Variants in PDE9A observed in about 807,000 individuals in gnomAD.
PDE9A encodes high affinity cGMP-specific 3',5'-cyclic phosphodiesterase 9A.
PDE9A carries 60 observed loss-of-function variants against 87.4 expected under a neutral mutation model. That is an observed-to-expected ratio of 0.69 (90% confidence interval 0.56 to 0.85). The LOEUF (loss-of-function observed/expected upper bound fraction) is 0.85. PDE9A is among the 40% of genes least tolerant of loss of function. The probability of loss-of-function intolerance (pLI) is 0.00; values close to 1 mark genes in which losing one functional copy is unlikely to be tolerated. For synonymous variants in PDE9A, 272 were observed against 279.4 expected (o/e 0.97, Z 0.27); for missense variants, 665 against 779.0 (o/e 0.85, Z 1.74).
intron 1 of PDE9A, among the ~76,000 whole-genome samples, chr21:42,681,923 G>C (rs374264628): frequency 5.3e-5 from 8 of 152,302 alleles, no homozygotes; most frequent in East Asian, 1.9e-4. Flanking sequence ...GCCTCCTGAC[G>C]AGGCAGCCTA....
Position 42,759,585 on chromosome 21 carries a change from G to A in PDE9A, c.897+500G>A, listed in dbSNP as rs1055401430. On this transcript the variant is annotated intron_variant, in intron 11 of 19. Transcript: ENST00000291539. This position sits in a 1 kb window ranked among gnomAD's most constrained non-coding sequence, Gnocchi z 7.2. ...TGAGCATGGGGGTATCTGAGTTTAC[G>A]GGTGGGTGTGTGTGAATGTGTGGTG... Among the ~76,000 whole-genome samples, 7 of 150,828 alleles carry A rather than the reference G, an allele frequency of 4.6e-5. No individual in the cohort carries two copies. Among genetic ancestry groups the A allele is most frequent in the Non-Finnish European group, 1.0e-4 (7 of 67,660 alleles).
chr21:42,683,954 C>T (rs921536648), intron 1 of PDE9A, among the ~76,000 whole-genome samples: 2 of 152,202 alleles, frequency 1.3e-5, no homozygotes, highest in African/African-American at 2.4e-5. Context: ...CTGCGGCCAC[C>T]CAGGTTGGAA....
Position 42,769,055 on chromosome 21 carries a change from CTGT to C in PDE9A, c.1491_1493del (p.Val498del). 6.2e-7 allele frequency: 1 copy of C among 1,613,534 alleles called. No individual in the cohort carries two copies. The highest frequency in any genetic ancestry group is 8.5e-7 in the Non-Finnish European group (1 of 1,179,546). On this transcript the variant is annotated inframe_deletion, in exon 17 of 20. Coordinates refer to ENST00000291539, the MANE Select transcript of PDE9A (RefSeq NM_002606.3). ...GACCGTGAGAAGTCAGAAGGCCTTCCTGTGGCACCGTTCATGGACCGAGACAAA... is the reference window on the plus strand; with the variant it reads ...GACCGTGAGAAGTCAGAAGGCCTTCCGGCACCGTTCATGGACCGAGACAAA...
intron 1 of PDE9A, among the ~76,000 whole-genome samples, chr21:42,661,556 T>C (rs1174159527): frequency 6.6e-6 from 1 of 152,180 alleles, no homozygotes; most frequent in African/African-American, 2.4e-5. Context: ...TTGTAGCACG[T>C]GTCCGAATTT....
Position 42,731,809 on chromosome 21 carries a change from C to T in PDE9A, c.302C>T (p.Ser101Phe), listed in dbSNP as rs746784838. 9.3e-6 allele frequency: 15 copies of T among 1,614,082 alleles called. No individual in the cohort carries two copies. Among genetic ancestry groups the T allele is most frequent in the Non-Finnish European group, 1.3e-5 (15 of 1,180,036 alleles). ...AAGAGAACCACAAGCCGTGGCCAGT[C>T]TGCTGAGAGACCACTGAGGGACAGA... ...EDKRTTSRGQ[S>F]AERPLRDRRV... The change falls in exon 5 of 20, where the codon TCT becomes TTT. Residue 101 changes from serine to phenylalanine, a missense_variant. Transcript: ENST00000291539.
intron 7 of PDE9A, among the ~76,000 whole-genome samples, chr21:42,737,053 G>C (rs537420957): frequency 1.5e-3 from 224 of 152,362 alleles, no homozygotes; most frequent in Non-Finnish European, 2.9e-3. Context: ...CTTTTGAGGA[G>C]AGGGCCTGCA....
chr21:42,764,471 A>G (rs2056162324), intron 14 of PDE9A, among the ~76,000 whole-genome samples: 1 of 152,230 alleles, frequency 6.6e-6, no homozygotes, highest in South Asian at 2.1e-4. Flanking sequence ...GAGCTCCTCC[A>G]GGGACAGGAC....
At chr21:42,666,379 G>C (rs1003888076) in intron 1 of PDE9A, among the ~76,000 whole-genome samples, 1 of 152,170 alleles carries the variant, frequency 6.6e-6, no homozygotes, top group African/African-American at 2.4e-5. Context: ...AGGGCAGCTG[G>C]CTTGTTTCTG....
intron 10 of PDE9A, among the ~76,000 whole-genome samples, chr21:42,756,039 A>G (rs2055006600): frequency 6.6e-6 from 1 of 152,220 alleles, no homozygotes; most frequent in Non-Finnish European, 1.5e-5. Context: ...CTCTGATCAC[A>G]GAGTGGATTC....
intron 8 of PDE9A, among the ~76,000 whole-genome samples, chr21:42,748,036 T>G (rs1468523938): frequency 1.3e-5 from 2 of 152,210 alleles, no homozygotes; most frequent in Non-Finnish European, 2.9e-5. Context: ...GACCCTCCTC[T>G]GCTCCCAGCT....
At chr21:42,747,854 C>T (rs918754454) in intron 8 of PDE9A, among the ~76,000 whole-genome samples, 1 of 152,214 alleles carries the variant, frequency 6.6e-6, no homozygotes, top group African/African-American at 2.4e-5. Context: ...GGCCTAAGCC[C>T]CAGAGAAGGG....
intron 7 of PDE9A, among the ~76,000 whole-genome samples, chr21:42,740,588 T>G: frequency 2.4e-5 from 1 of 42,460 alleles, no homozygotes; most frequent in Non-Finnish European, 5.3e-5. Flanking sequence ...GATGGGTGGA[T>G]GGATGGATGG....
chr21:42,727,360 G>T lies in PDE9A; in HGVS notation c.263-4410G>T, dbSNP rs957804043. ...TGTTTGTTTTTGAGACAGGGTCTTT[G>T]TCCCTGAGGCTGGAGTGCAGTGGCA... On this transcript the variant is annotated intron_variant, in intron 4 of 19. Transcript: ENST00000291539. Among the ~76,000 whole-genome samples the T allele has an allele frequency of 2.0e-5, 3 of 152,032 alleles. No homozygotes were observed. In the South Asian group the frequency reaches 6.2e-4, roughly 32 times the overall value.
chr21:42,708,037 T>C (rs1177397627), intron 4 of PDE9A, among the ~76,000 whole-genome samples: 1 of 152,164 alleles, frequency 6.6e-6, no homozygotes, highest in Non-Finnish European at 1.5e-5. Context: ...GGAAGCCAAG[T>C]TAATGCTGGA....
At chr21:42,699,714 C>T (rs1483020065) in intron 4 of PDE9A, among the ~76,000 whole-genome samples, 10 of 148,418 alleles carry the variant, frequency 6.7e-5, no homozygotes, top group Admixed American at 6.7e-4. Flanking sequence ...CACCACCAAG[C>T]CTGGGTAATT....
chr21:42,749,955 T>C (rs58917977), intron 8 of PDE9A, among the ~76,000 whole-genome samples: 6,851 of 152,138 alleles, frequency 0.045, 537 homozygotes, highest in African/African-American at 0.16. Flanking sequence ...CTGGCCAACA[T>C]GGTGAAACCC....
intron 4 of PDE9A, among the ~76,000 whole-genome samples, chr21:42,710,104 A>G (rs925851102): frequency 1.3e-5 from 2 of 152,148 alleles, no homozygotes; most frequent in Admixed American, 1.3e-4. Context: ...TTACTTGTTA[A>G]GTGTAAGAAA....
Position 42,759,067 on chromosome 21 carries a change from C to T in PDE9A, c.879C>T (p.Val293=). ...TCAGGGACTTCAGCATCAACCCTGT[C>T]ACCCTCAGGAGGTGGCTGGTGAGTG... The part of the protein sequence containing the change: ...GLVRDFSINP[V]TLRRWLFCVH... Residue 293 remains valine, a synonymous_variant, in exon 11 of 20, where the codon GTC becomes GTT. Coordinates refer to ENST00000291539, the MANE Select transcript of PDE9A (RefSeq NM_002606.3). This position sits in a 1 kb window ranked among gnomAD's most constrained non-coding sequence, Gnocchi z 7.2. 1.2e-6 allele frequency: 2 copies of T among 1,613,760 alleles called. No individual in the cohort carries two copies. Among genetic ancestry groups the T allele is most frequent in the Non-Finnish European group, 1.7e-6 (2 of 1,179,634 alleles).
chr21:42,754,034 C>G lies in PDE9A; in HGVS notation c.780C>G (p.Thr260=). ...CCATCGAGGCCCTGCGGAAGCCGAC[C>G]TTTGACGTCTGGCTTTGGGAGCCCA... ...PETIEALRKP[T]FDVWLWEPNE... Residue 260 remains threonine, a synonymous_variant, in exon 10 of 20, where the codon ACC becomes ACG. Transcript: ENST00000291539. 3 of 1,613,406 alleles carry G rather than the reference C, an allele frequency of 1.9e-6. No individual in the cohort carries two copies. Among genetic ancestry groups the G allele is most frequent in the Non-Finnish European group, 2.5e-6 (3 of 1,179,530 alleles).
Sources: allele counts gnomAD v4.1 joint callset (sites outside exome capture counted in the v4.1 genomes callset), GRCh38; gene constraint gnomAD v4.1.1; non-coding constraint Gnocchi (gnomAD v3.1); transcripts MANE v1.5; gene names NCBI Gene and HGNC (gene_info 2026-07-23, HGNC 2026-07-21).